The following TGFBR3 variants were observed in gnomAD, a reference collection of about 807,000 sequenced individuals.
TGFBR3 encodes the protein transforming growth factor beta receptor 3, also known as transforming growth factor beta receptor type 3.
In TGFBR3, 46 loss-of-function variants were observed where a neutral mutation model predicts 87.9. The observed-to-expected ratio is 0.52, with a 90% CI of 0.41 to 0.67. TGFBR3 has a LOEUF of 0.67. Among genes scored for constraint, TGFBR3 ranks in the 30% least tolerant of loss-of-function variants. The probability of loss-of-function intolerance (pLI) is 0.00; values close to 1 mark genes in which losing one functional copy is unlikely to be tolerated. For missense variants in TGFBR3, 866 were observed against 1,041.9 expected (o/e 0.83, Z 2.32); for synonymous variants, 381 against 391.6 (o/e 0.97, Z 0.32).
chr1:91,829,343 T>C (rs146450764), intron 2 of TGFBR3, among the ~76,000 whole-genome samples: 41 of 151,188 alleles, frequency 2.7e-4, no homozygotes, highest in African/African-American at 8.8e-4. Context: ...CCCACTGCAC[T>C]CTAGCCTGAG....
chr1:91,854,419 G>T (rs1270595187), intron 2 of TGFBR3, among the ~76,000 whole-genome samples: 1 of 152,068 alleles, frequency 6.6e-6, no homozygotes, highest in Admixed American at 6.5e-5. Flanking sequence ...CTTCCAAGGT[G>T]GTAGGAACAT....
At chr1:91,796,912 T>C (rs1284356908) in intron 3 of TGFBR3, among the ~76,000 whole-genome samples, 1 of 151,842 alleles carries the variant, frequency 6.6e-6, no homozygotes, top group Non-Finnish European at 1.5e-5. Flanking sequence ...TTATTTTTAG[T>C]AGAGATGAGG....
At chr1:91,685,523 T>G (rs1253239188) in intron 16 of TGFBR3, among the ~76,000 whole-genome samples, 1 of 151,980 alleles carries the variant, frequency 6.6e-6, no homozygotes, top group Admixed American at 6.6e-5. Context: ...ACGATTTCAC[T>G]GTGTTAGCCA....
intron 2 of TGFBR3, among the ~76,000 whole-genome samples, chr1:91,837,709 T>G (rs1205990132): frequency 6.6e-6 from 1 of 152,216 alleles, no homozygotes; most frequent in Non-Finnish European, 1.5e-5. Flanking sequence ...AATCATGCAT[T>G]TTTAAATTTG....
chr1:91,900,096 T>A (rs1679659418), intron 1 of TGFBR3, among the ~76,000 whole-genome samples: 1 of 152,192 alleles, frequency 6.6e-6, no homozygotes. Flanking sequence ...TCCATTCATA[T>A]TAAACTTACT....
At chr1:91,865,330 T>C (rs889648300) in intron 1 of TGFBR3, among the ~76,000 whole-genome samples, 1 of 146,632 alleles carries the variant, frequency 6.8e-6, no homozygotes, top group Non-Finnish European at 1.5e-5. Flanking sequence ...AAAGTAGAAA[T>C]ACCTAATGTA....
intron 3 of TGFBR3, among the ~76,000 whole-genome samples, chr1:91,788,035 G>A (rs1675038282): frequency 6.6e-6 from 1 of 152,098 alleles, no homozygotes; most frequent in Non-Finnish European, 1.5e-5. Context: ...AGGAAACCAA[G>A]AGGGAGGTGC....
At chr1:91,694,874 T>C (rs1216410402) in intron 16 of TGFBR3, among the ~76,000 whole-genome samples, 3 of 152,204 alleles carry the variant, frequency 2.0e-5, no homozygotes, top group African/African-American at 7.2e-5. Context: ...AAAATGCATG[T>C]CACTCCTGCC....
At chr1:91,764,939 C>G (rs1420225888) in intron 3 of TGFBR3, among the ~76,000 whole-genome samples, 3 of 152,188 alleles carry the variant, frequency 2.0e-5, no homozygotes, top group Non-Finnish European at 4.4e-5. Flanking sequence ...CTATAATGAA[C>G]TGCTTAGATC....
chr1:91,820,793 A>G (rs1442746665), intron 2 of TGFBR3, among the ~76,000 whole-genome samples: 1 of 152,210 alleles, frequency 6.6e-6, no homozygotes, highest in Non-Finnish European at 1.5e-5. Context: ...ATCTTATGAC[A>G]TGTTCTTTTT....
At chr1:91,736,665 C>T (rs1324564698) in intron 4 of TGFBR3, among the ~76,000 whole-genome samples, 1 of 152,134 alleles carries the variant, frequency 6.6e-6, no homozygotes, top group Non-Finnish European at 1.5e-5. Flanking sequence ...CAACACTGAA[C>T]TTCCAACAAT....
intron 3 of TGFBR3, among the ~76,000 whole-genome samples, chr1:91,783,544 T>C (rs1674848829): frequency 6.6e-6 from 1 of 151,716 alleles, no homozygotes; most frequent in African/African-American, 2.4e-5. Context: ...CAGACCCTCA[T>C]AAATGGATTG....
At chr1:91,797,585 C>T in intron 2 of TGFBR3, 114 bp from the exon 3 acceptor site, 3 of 1,170,174 alleles carry the variant, frequency 2.6e-6, no homozygotes, top group Non-Finnish European at 3.8e-6. Flanking sequence ...TCCAGGTAAA[C>T]TGTTCCAAGA....
At chr1:91,751,020 C>G (rs1673522418) in intron 4 of TGFBR3, among the ~76,000 whole-genome samples, 1 of 152,230 alleles carries the variant, frequency 6.6e-6, no homozygotes, top group African/African-American at 2.4e-5. Flanking sequence ...TCCCTGACGA[C>G]AGGCAATTCA....
At chr1:91,790,525 G>C (rs773398293) in intron 3 of TGFBR3, among the ~76,000 whole-genome samples, 2 of 152,284 alleles carry the variant, frequency 1.3e-5, no homozygotes, top group African/African-American at 2.4e-5. Context: ...AATCTTCCCT[G>C]TCAAGCTGGG....
intron 2 of TGFBR3, among the ~76,000 whole-genome samples, chr1:91,856,417 C>T (rs2634025): frequency 0.13 from 19,746 of 151,962 alleles, 1,632 homozygotes; most frequent in East Asian, 0.4. Context: ...TGGATATCCC[C>T]CGACCCACCC....
At chr1:91,751,131 A>C (rs1297584550) in intron 4 of TGFBR3, among the ~76,000 whole-genome samples, 2 of 152,088 alleles carry the variant, frequency 1.3e-5, no homozygotes. Context: ...AAACCATCAT[A>C]CCCGGTATGC....
intron 3 of TGFBR3, among the ~76,000 whole-genome samples, chr1:91,783,952 G>T (rs1474988744): frequency 1.3e-5 from 2 of 152,134 alleles, no homozygotes; most frequent in East Asian, 3.9e-4. Context: ...CATTCTCAAT[G>T]GCCCAACTTC....
intron 3 of TGFBR3, among the ~76,000 whole-genome samples, chr1:91,784,770 C>T (rs565212172): frequency 1.2e-4 from 18 of 152,190 alleles, no homozygotes; most frequent in South Asian, 6.2e-4. Context: ...TCAAGGGATC[C>T]GATGCAGGGG....
Sources: allele counts gnomAD v4.1 joint callset (sites outside exome capture counted in the v4.1 genomes callset), GRCh38; gene constraint gnomAD v4.1.1; transcripts MANE v1.5; gene names NCBI Gene and HGNC (gene_info 2026-07-23, HGNC 2026-07-21).